DLG2: variants seen among roughly 807,000 people sequenced by gnomAD.
DLG2 encodes the protein disks large homolog 2.
DLG2 carries 45 observed loss-of-function variants against 132.5 expected under a neutral mutation model. The ratio of observed to expected loss-of-function variants is 0.34; its 90% confidence interval spans 0.27 to 0.44. The LOEUF (loss-of-function observed/expected upper bound fraction) is 0.44. DLG2 is among the 20% of genes least tolerant of loss of function. The pLI is 1.00. For missense variants in DLG2, 1,045 were observed against 1,196.9 expected (o/e 0.87, Z 1.87); for synonymous variants, 424 against 419.6 (o/e 1.01, Z -0.13).
At chr11:84,957,301 G>T (rs1236915240) in intron 6 of DLG2, among the ~76,000 whole-genome samples, 1 of 152,076 alleles carries the variant, frequency 6.6e-6, no homozygotes, top group Non-Finnish European at 1.5e-5. Flanking sequence ...TTACATGATT[G>T]TTATTTATCA....
intron 11 of DLG2, among the ~76,000 whole-genome samples, chr11:84,051,467 C>T (rs1169136281): frequency 6.6e-6 from 1 of 151,850 alleles, no homozygotes; most frequent in Non-Finnish European, 1.5e-5. Flanking sequence ...AGTTCATGTC[C>T]TTTGTAGGGA....
intron 3 of DLG2, among the ~76,000 whole-genome samples, chr11:85,503,006 A>C (rs528700192): frequency 4.6e-5 from 7 of 152,234 alleles, no homozygotes; most frequent in Non-Finnish European, 1.0e-4. Context: ...TGAACAAACT[A>C]ACACTATTCC....
chr11:84,290,900 T>C (rs2097984183), intron 7 of DLG2, among the ~76,000 whole-genome samples: 1 of 152,118 alleles, frequency 6.6e-6, no homozygotes, highest in South Asian at 2.1e-4. Flanking sequence ...AGTAAGTTGC[T>C]TAAACTCTCT....
rs140293213 is a variant in DLG2, at chr11:85,158,395, G to C, written c.187-3744C>G. Among the ~76,000 whole-genome samples, 174 of 152,284 alleles carry C rather than the reference G, an allele frequency of 1.1e-3. 1 individual carries two copies. The highest frequency in any genetic ancestry group is 3.9e-3 in the African/African-American group (164 of 41,574). On this transcript the variant is annotated intron_variant, in intron 4 of 27. Coordinates refer to ENST00000376104, the MANE Select transcript of DLG2 (RefSeq NM_001142699.3). ...CACTGTGAGTGAGCTGGAAATGCCT[G>C]ATCTCCTTTGGTTTAATGTAGAGGA...
At position 83,840,359 on chromosome 11, in the gene DLG2, T is replaced by A. The variant is rs560122268; in HGVS notation, c.1566-6589A>T. ...ACTCAGGAAATAGGTATTAAATGAA[T>A]GGATAAACTCCCACAGTGATTAAGG... On this transcript the variant is annotated intron_variant, in intron 16 of 27. Transcript: ENST00000376104. Among the ~76,000 whole-genome samples the A allele has an allele frequency of 5.3e-5, 8 of 152,180 alleles. No homozygotes were observed. In the South Asian group the frequency reaches 1.7e-3, roughly 32 times the overall value.
chr11:85,504,072 T>C (rs1406550124), intron 3 of DLG2, among the ~76,000 whole-genome samples: 1 of 152,222 alleles, frequency 6.6e-6, no homozygotes, highest in African/African-American at 2.4e-5. Flanking sequence ...GATTTTTTCC[T>C]TGTAAATTTG....
At chr11:84,185,578 G>C (rs996977121) in intron 8 of DLG2, among the ~76,000 whole-genome samples, 1 of 152,064 alleles carries the variant, frequency 6.6e-6, no homozygotes, top group Non-Finnish European at 1.5e-5. Context: ...TCTCCTGCCT[G>C]ATTGCCCTGG....
intron 6 of DLG2, among the ~76,000 whole-genome samples, chr11:84,547,848 C>G (rs1565264442): frequency 6.6e-6 from 1 of 152,262 alleles, no homozygotes; most frequent in South Asian, 2.1e-4. Flanking sequence ...CTAAATGGAA[C>G]TACCCCTGGT....
chr11:84,301,230 T>G (rs2098147697), intron 7 of DLG2, among the ~76,000 whole-genome samples: 2 of 152,106 alleles, frequency 1.3e-5, no homozygotes, highest in Non-Finnish European at 2.9e-5. Flanking sequence ...AAAGAATATT[T>G]GGCAGTCATT....
chr11:85,483,972 G>A (rs1469449180), intron 3 of DLG2, among the ~76,000 whole-genome samples: 6 of 151,932 alleles, frequency 3.9e-5, no homozygotes, highest in South Asian at 2.1e-4. Flanking sequence ...AAATTGGCCC[G>A]GGTCTTCCAG....
chr11:84,160,945 T>G (rs1041145416), intron 9 of DLG2, among the ~76,000 whole-genome samples: 1 of 152,118 alleles, frequency 6.6e-6, no homozygotes, highest in African/African-American at 2.4e-5. Context: ...TGCTTGAGAT[T>G]TGAGGAGATA....
intron 3 of DLG2, among the ~76,000 whole-genome samples, chr11:85,402,573 A>T (rs1029089274): frequency 3.9e-5 from 6 of 152,200 alleles, no homozygotes; most frequent in Admixed American, 2.0e-4. Flanking sequence ...AATGGGAGAA[A>T]ATCTTTGCAA....
At chr11:85,262,654 C>T (rs1275474138) in intron 4 of DLG2, among the ~76,000 whole-genome samples, 2 of 152,160 alleles carry the variant, frequency 1.3e-5, no homozygotes, top group African/African-American at 4.8e-5. Context: ...AAGTTAACCA[C>T]GTCTATCTTT....
chr11:85,123,897 G>A (rs940863419), intron 5 of DLG2, among the ~76,000 whole-genome samples: 1 of 152,138 alleles, frequency 6.6e-6, no homozygotes, highest in African/African-American at 2.4e-5. Context: ...TAAAACATTT[G>A]GTATCTTTCT....
intron 19 of DLG2, among the ~76,000 whole-genome samples, chr11:83,553,748 GA>G (rs1268525328): frequency 3.9e-5 from 6 of 152,036 alleles, no homozygotes; most frequent in South Asian, 4.1e-4. Flanking sequence ...AATGTCTGTA[GA>G]AAATGTCCCT....
chr11:83,595,768 T>C (rs953054760), intron 19 of DLG2, among the ~76,000 whole-genome samples: 1 of 152,194 alleles, frequency 6.6e-6, no homozygotes, highest in Non-Finnish European at 1.5e-5. Context: ...AAACAATTTA[T>C]AGAAGAACGT....
chr11:84,734,185 G>A (rs1353411168), intron 6 of DLG2, among the ~76,000 whole-genome samples: 1 of 152,140 alleles, frequency 6.6e-6, no homozygotes, highest in Non-Finnish European at 1.5e-5. Context: ...AAAGTCATTG[G>A]TAGCTTGATG....
At chr11:83,480,520 A>C in intron 22 of DLG2, 1 of 1,506,894 alleles carries the variant, frequency 6.6e-7, no homozygotes, top group Admixed American at 2.0e-5. Context: ...GCGAAAGGCA[A>C]GTAAAAGCCG....
chr11:84,967,187 T>C (rs2053464363), intron 6 of DLG2, among the ~76,000 whole-genome samples: 1 of 152,136 alleles, frequency 6.6e-6, no homozygotes, highest in Non-Finnish European at 1.5e-5. Flanking sequence ...GTATAGAAAT[T>C]ACAAAATCTT....
Sources: gnomAD v4.1 joint callset for allele counts (sites outside exome capture counted in the v4.1 genomes callset) on GRCh38, gnomAD v4.1.1 for gene constraint, MANE v1.5 for transcripts, NCBI Gene and HGNC (gene_info 2026-07-23, HGNC 2026-07-21) for gene names.